AK8: variants seen among roughly 807,000 people sequenced by gnomAD.
AK8 encodes the protein adenylate kinase 8.
In AK8, 44 loss-of-function variants were observed where a neutral mutation model predicts 54.6. The observed-to-expected ratio is 0.81, with a 90% CI of 0.63 to 1.04. The LOEUF (loss-of-function observed/expected upper bound fraction) is 1.04. AK8 is among the 50% of genes least tolerant of loss of function. The probability of loss-of-function intolerance (pLI) is 0.00; values close to 1 mark genes in which losing one functional copy is unlikely to be tolerated. For synonymous variants in AK8, 239 were observed against 245.6 expected (o/e 0.97, Z 0.25); for missense variants, 555 against 613.6 (o/e 0.90, Z 1.01).
chr9:132,758,546 T>C (rs1838299162), intron 11 of AK8, among the ~76,000 whole-genome samples: 1 of 152,136 alleles, frequency 6.6e-6, no homozygotes, highest in Non-Finnish European at 1.5e-5. Context: ...GCTTCCCTGG[T>C]TCAAATGATT....
chr9:132,877,978 G>A, intron 1 of AK8, 194 bp downstream of exon 1: 2 of 1,420,174 alleles, frequency 1.4e-6, no homozygotes, highest in Non-Finnish European at 1.9e-6. Flanking sequence ...GGCAAACCCG[G>A]GCAGGACCAG....
Position 132,792,693 on chromosome 9 carries a change from G to T in AK8, c.1062C>A (p.Gly354=), listed in dbSNP as rs765043828. Residue 354 remains glycine, a synonymous_variant, in exon 11 of 13, where the codon GGC becomes GGA. Transcript: ENST00000298545. Reference sequence around the variant, plus strand: ...GTGCCTGGTCGAGGTCCCGCGGGACGCCGTGTAGCACCCAGCCTTTCTGGA... The same window carrying T: ...GTGCCTGGTCGAGGTCCCGCGGGACTCCGTGTAGCACCCAGCCTTTCTGGA... ...DCIQKGWVLH[G]VPRDLDQAHL... is the part of the protein sequence containing the mutation. 1 of 1,556,358 alleles carries T rather than the reference G, an allele frequency of 6.4e-7. No homozygotes were observed. Among genetic ancestry groups the T allele is most frequent in the South Asian group, 1.2e-5 (1 of 84,270 alleles).
In AK8 at chr9:132,875,166, C is replaced by A. The variant is rs771154027; in HGVS notation, c.118G>T (p.Glu40Ter). Reference sequence around the variant, plus strand: ...TGGATCATGAAGGGGATGGGATCTTCGGGCTGGTGGATCAGGAGTTGCTCC... The same window carrying A: ...TGGATCATGAAGGGGATGGGATCTTAGGGCTGGTGGATCAGGAGTTGCTCC... ...MLEQLLIHQP[E>*]DPIPFMIQHL... Residue 40 changes from glutamate (E) to a stop codon, truncating the protein, a stop_gained, in exon 2 of 13, where the codon GAA (glutamate) becomes TAA (stop). Coordinates refer to ENST00000298545, the MANE Select transcript of AK8 (RefSeq NM_152572.3). LOFTEE classifies it high-confidence loss of function. 2.5e-6 allele frequency: 4 copies of A among 1,614,024 alleles called. No homozygotes were observed. The highest frequency in any genetic ancestry group is 3.4e-6 in the Non-Finnish European group (4 of 1,180,036).
intron 7 of AK8, 41 bp from the exon 8 acceptor site, chr9:132,827,095 G>A: frequency 6.3e-7 from 1 of 1,589,020 alleles, no homozygotes; most frequent in South Asian, 1.1e-5. Flanking sequence ...GGCCATGCAG[G>A]GGCCCTGTGG....
At chr9:132,838,943 A>C (rs1842429790) in intron 5 of AK8, among the ~76,000 whole-genome samples, 2 of 151,950 alleles carry the variant, frequency 1.3e-5, no homozygotes, top group Non-Finnish European at 2.9e-5. Context: ...GTACCTTATT[A>C]TTTTTTTATT....
intron 9 of AK8, 100 bp downstream of exon 9, chr9:132,823,105 C>T (rs940694474): frequency 4.2e-6 from 6 of 1,444,156 alleles, no homozygotes; most frequent in South Asian, 3.0e-5. Flanking sequence ...CTGACCCTTC[C>T]CCCCCAACAC....
At chr9:132,853,330 C>A (rs185951027) in intron 5 of AK8, among the ~76,000 whole-genome samples, 1 of 146,656 alleles carries the variant, frequency 6.8e-6, no homozygotes, top group Admixed American at 6.9e-5. Context: ...TGCACTCCTA[C>A]CTGGGCGACA....
chr9:132,730,903 GC>G (rs1836811643), intron 11 of AK8, among the ~76,000 whole-genome samples: 1 of 152,174 alleles, frequency 6.6e-6, no homozygotes, highest in Non-Finnish European at 1.5e-5. Context: ...AGCCGGGGCT[GC>G]CCCCGATCCT....
intron 10 of AK8, among the ~76,000 whole-genome samples, chr9:132,811,435 A>C (rs1440342917): frequency 3.3e-5 from 5 of 152,250 alleles, no homozygotes; most frequent in Non-Finnish European, 7.3e-5. Flanking sequence ...CTTTGAAGAC[A>C]GAGGAAGGGG....
At chr9:132,824,155 A>G (rs1841777854) in intron 8 of AK8, among the ~76,000 whole-genome samples, 1 of 152,212 alleles carries the variant, frequency 6.6e-6, no homozygotes, top group African/African-American at 2.4e-5. Context: ...TGGAGCTCAG[A>G]AACAGGGAGC....
At chr9:132,823,985 T>C (rs566815456) in intron 8 of AK8, among the ~76,000 whole-genome samples, 1 of 152,236 alleles carries the variant, frequency 6.6e-6, no homozygotes, top group Admixed American at 6.5e-5. Flanking sequence ...TGTAGCTGCA[T>C]GGCCCTGGCC....
intron 1 of AK8, among the ~76,000 whole-genome samples, chr9:132,877,550 C>T (rs1022280886): frequency 7.2e-5 from 11 of 152,202 alleles, no homozygotes; most frequent in African/African-American, 2.7e-4. Context: ...AAAACTGGGG[C>T]CCTGGCGGGG....
chr9:132,805,700 C>T (rs751095896), intron 10 of AK8, among the ~76,000 whole-genome samples: 1 of 152,274 alleles, frequency 6.6e-6, no homozygotes, highest in Non-Finnish European at 1.5e-5. Context: ...CCCGCTTCCT[C>T]TAACTGTGCT....
intron 11 of AK8, among the ~76,000 whole-genome samples, chr9:132,733,278 G>A (rs976911298): frequency 4.0e-5 from 6 of 151,382 alleles, no homozygotes; most frequent in African/African-American, 7.3e-5. Flanking sequence ...TGCAGGTGTC[G>A]CAGCGGCTTT....
At chr9:132,774,262 G>A (rs1006197008) in intron 11 of AK8, among the ~76,000 whole-genome samples, 1 of 152,088 alleles carries the variant, frequency 6.6e-6, no homozygotes. Flanking sequence ...TCCTGCTCAT[G>A]GGGGGGTTGG....
chr9:132,821,527 A>G (rs1038299548), intron 9 of AK8, among the ~76,000 whole-genome samples: 3 of 152,016 alleles, frequency 2.0e-5, no homozygotes, highest in African/African-American at 7.2e-5. Flanking sequence ...AAATTTGCAG[A>G]GTAATTGTTC....
intron 11 of AK8, chr9:132,768,890 T>C (rs1428506780): frequency 6.6e-6 from 1 of 152,212 alleles, no homozygotes; most frequent in Non-Finnish European, 1.5e-5. Context: ...TGCAAGATTT[T>C]ATTTGTCGTT....
intron 4 of AK8, among the ~76,000 whole-genome samples, chr9:132,856,989 C>T (rs888555578): frequency 7.2e-5 from 11 of 152,040 alleles, no homozygotes; most frequent in African/African-American, 1.7e-4. Flanking sequence ...AAGTCAAGAT[C>T]GAGAGCAAGA....
intron 5 of AK8, among the ~76,000 whole-genome samples, chr9:132,848,996 C>G (rs1842867003): frequency 1.3e-5 from 2 of 150,312 alleles, no homozygotes; most frequent in African/African-American, 4.9e-5. Flanking sequence ...GCAACCTCTG[C>G]CTCTTGGGTT....
Sources: allele counts gnomAD v4.1 joint callset (sites outside exome capture counted in the v4.1 genomes callset), GRCh38; gene constraint gnomAD v4.1.1; transcripts MANE v1.5; gene names NCBI Gene and HGNC (gene_info 2026-07-23, HGNC 2026-07-21).